The following TBCD variants were observed in gnomAD, a reference collection of about 807,000 sequenced individuals.
TBCD encodes tubulin-specific chaperone D.
Under a neutral mutation model 169.3 loss-of-function variants are expected in TBCD, and 105 were observed. The ratio of observed to expected loss-of-function variants is 0.62; its 90% CI spans 0.53 to 0.73. The LOEUF (loss-of-function observed/expected upper bound fraction) is 0.73, where lower values mean the gene tolerates loss of function less well. TBCD is among the 30% of genes least tolerant of loss of function. TBCD has a pLI of 0.00. For synonymous variants in TBCD, 700 were observed against 643.9 expected, an observed-to-expected ratio of 1.09 and a Z score of -1.32; for missense variants, 1,444 against 1,600.1, an observed-to-expected ratio of 0.90 and a Z score of 1.66.
In TBCD at chr17:82,929,199, C is replaced by G; in HGVS notation, c.2780C>G (p.Thr927Arg). ...FRAHAASVFL[T>R]LLHFDSPPIP... ...GCTCACGCCGCCAGCGTGTTCCTGACGCTCCTGCACTTTGACAGCCCTCCC... is the reference window on the plus strand; with the variant it reads ...GCTCACGCCGCCAGCGTGTTCCTGAGGCTCCTGCACTTTGACAGCCCTCCC... The change falls in exon 31 of 39, where the codon ACG (threonine) becomes AGG (arginine). Residue 927 changes from threonine (T) to arginine (R), a missense_variant. By Grantham distance (71) the Thr-to-Arg change is moderately conservative. Transcript: ENST00000355528. 6.2e-7 allele frequency: 1 copy of G among 1,613,948 alleles called. No individual in the cohort carries two copies. Among genetic ancestry groups the G allele is most frequent in the Non-Finnish European group, 8.5e-7 (1 of 1,179,896 alleles).
intron 13 of TBCD, among the ~76,000 whole-genome samples, chr17:82,841,299 G>A (rs942920446): frequency 1.3e-5 from 2 of 151,452 alleles, no homozygotes; most frequent in Admixed American, 6.6e-5. Context: ...ATGGCTTTGC[G>A]TTTACTTTTA....
chr17:82,787,974 T>C (rs563510244), intron 7 of TBCD, among the ~76,000 whole-genome samples: 45 of 152,360 alleles, frequency 3.0e-4, no homozygotes, highest in African/African-American at 1.0e-3. Flanking sequence ...CAGTGGCTCA[T>C]GCCGGTAATC....
In TBCD at chr17:82,800,866, G is replaced by C; in HGVS notation, c.820G>C (p.Ala274Pro). The stretch of plus-strand genomic sequence containing the variant: ...CTGAGTCCAGTTCTTGTTTGCAGCT[G>C]CCACTGTCCTCAGGTGCCTCGATGG... ...GKREDCLPYA[A>P]TVLRCLDGCR... Residue 274 changes from alanine (A) to proline (P), a missense_variant and splice_region_variant, in exon 9 of 39, where the codon GCC (alanine) becomes CCC (proline). Physicochemically the swap from Ala to Pro is conservative, Grantham distance 27. Transcript: ENST00000355528. 1.2e-6 allele frequency: 2 copies of C among 1,612,134 alleles called. No homozygotes were observed. The highest frequency in any genetic ancestry group is 1.7e-6 in the Non-Finnish European group (2 of 1,179,310).
At chr17:82,828,930 G>A (rs902291851) in intron 13 of TBCD, among the ~76,000 whole-genome samples, 2 of 142,758 alleles carry the variant, frequency 1.4e-5, no homozygotes, top group Non-Finnish European at 3.0e-5. Context: ...CTACACAGTC[G>A]AGTGTGCATG....
chr17:82,907,637 C>T (rs1810927557), intron 20 of TBCD, 124 bp from the exon 21 acceptor site: 3 of 1,026,068 alleles, frequency 2.9e-6, no homozygotes, highest in South Asian at 1.4e-5. Context: ...CCTTGCTGAG[C>T]CTATGCTCCT....
At chr17:82,813,516 C>T (rs774376068) in intron 12 of TBCD, among the ~76,000 whole-genome samples, 3 of 152,268 alleles carry the variant, frequency 2.0e-5, no homozygotes, top group Non-Finnish European at 4.4e-5. Flanking sequence ...GCCGGATGGA[C>T]GGACGGCATC....
At chr17:82,793,108 T>A (rs2049863837) in intron 7 of TBCD, among the ~76,000 whole-genome samples, 1 of 152,378 alleles carries the variant, frequency 6.6e-6, no homozygotes, top group East Asian at 1.9e-4. Context: ...AAATTCTTTA[T>A]AATTTGTCAG....
At chr17:82,830,189 C>G (rs370565250) in intron 13 of TBCD, 5 of 1,614,206 alleles carry the variant, frequency 3.1e-6, no homozygotes, top group Non-Finnish European at 4.2e-6. Flanking sequence ...CTGGCCGTGT[C>G]CTGCAGCTTC....
At chr17:82,776,236 G>A (rs1204328183) in intron 6 of TBCD, among the ~76,000 whole-genome samples, 1 of 151,930 alleles carries the variant, frequency 6.6e-6, no homozygotes, top group Non-Finnish European at 1.5e-5. Context: ...AAAGAGGTAC[G>A]CTGTATGCAG....
At chr17:82,901,667 G>T (rs1404924922) in intron 18 of TBCD, among the ~76,000 whole-genome samples, 2 of 151,634 alleles carry the variant, frequency 1.3e-5, no homozygotes, top group African/African-American at 4.8e-5. Flanking sequence ...TGGTCCTGCT[G>T]CCTGGGGAGC....
chr17:82,872,950 ACC>A (rs1567932389), intron 14 of TBCD, among the ~76,000 whole-genome samples: 3 of 135,946 alleles, frequency 2.2e-5, no homozygotes, highest in Admixed American at 7.0e-5. Context: ...CAGGCCCGGC[ACC>A]TCGTGGCCGA....
chr17:82,907,471 C>G (rs192946212), intron 20 of TBCD, among the ~76,000 whole-genome samples: 135 of 152,234 alleles, frequency 8.9e-4, no homozygotes, highest in South Asian at 4.1e-3. Flanking sequence ...TTGTTAGGGC[C>G]CAGGAGTTTG....
intron 1 of TBCD, among the ~76,000 whole-genome samples, chr17:82,753,172 C>T (rs1261770736): frequency 2.0e-5 from 3 of 152,062 alleles, no homozygotes; most frequent in African/African-American, 7.3e-5. Flanking sequence ...ATTATTTGGC[C>T]TTCCTCATTT....
chr17:82,937,289 GTTGC>G lies in TBCD; in HGVS notation c.3215_3218del (p.Leu1072ArgfsTer33). ...CTTCCAGCCACCCCTTTGCTGTGAA[GTTGC>G]TTGCGCTCTGTAAGAAAGAAATCAA... On this transcript the variant is annotated frameshift_variant, in exon 35 of 39. Transcript: ENST00000355528. LOFTEE classifies it high-confidence loss of function. 1 of 1,614,056 alleles carries G rather than the reference GTTGC, an allele frequency of 6.2e-7. No individual in the cohort carries two copies. The highest frequency in any genetic ancestry group is 8.5e-7 in the Non-Finnish European group (1 of 1,179,886).
chr17:82,797,921 C>G lies in TBCD; in HGVS notation c.817+119C>G, dbSNP rs1023469041. On this transcript the variant is annotated intron_variant, in intron 8 of 38. Coordinates refer to ENST00000355528, the MANE Select transcript of TBCD (RefSeq NM_005993.5). Reference sequence around the variant, plus strand: ...GGAACTGTACATTGGTATGTTTGGACACTATCGTTCTTTTTTTTGTTGTGG... The same window carrying G: ...GGAACTGTACATTGGTATGTTTGGAGACTATCGTTCTTTTTTTTGTTGTGG... The G allele has an allele frequency of 2.2e-5, 9 of 408,146 alleles. No homozygotes were observed. The South Asian group carries it at 5.5e-4, about 25-fold the overall frequency. The allele number at this position is 408,146 out of a possible 1,614,324, so 25.3% of individuals were successfully genotyped here. A position where few individuals can be genotyped will look rare whatever the true frequency, so the allele number is the denominator to read the frequency against.
At position 82,819,538 on chromosome 17, in the gene TBCD, T is replaced by G. The variant is rs565092931; in HGVS notation, c.1318+4604T>G. On this transcript the variant is annotated intron_variant, in intron 13 of 38. Coordinates refer to ENST00000355528, the MANE Select transcript of TBCD (RefSeq NM_005993.5). ...AATGAGATCCTGTTTCTACAAAAAT[T>G]GTTTTAAAAAGGTAGTTGGGTGCAG... Among the ~76,000 whole-genome samples, 5 of 152,188 alleles carry G rather than the reference T, an allele frequency of 3.3e-5. No homozygotes were observed. The South Asian group carries it at 1.0e-3, about 32-fold the overall frequency.
intron 5 of TBCD, among the ~76,000 whole-genome samples, chr17:82,769,655 T>C (rs1274457096): frequency 2.0e-5 from 3 of 152,088 alleles, no homozygotes; most frequent in African/African-American, 4.8e-5. Flanking sequence ...GGCGGGCAGA[T>C]CACGTGAGGT....
intron 13 of TBCD, among the ~76,000 whole-genome samples, chr17:82,818,167 C>A (rs662669): frequency 1.3e-5 from 2 of 152,038 alleles, no homozygotes; most frequent in Non-Finnish European, 2.9e-5. Context: ...CAGAAACTGA[C>A]ACGTGATGTG....
chr17:82,941,591 G>A (rs902604080), intron 38 of TBCD, 108 bp downstream of exon 38: 8 of 975,610 alleles, frequency 8.2e-6, no homozygotes, highest in South Asian at 3.1e-5. Context: ...CACACGGCCC[G>A]TTCCCTCGTC....
Sources: allele counts gnomAD v4.1 joint callset (sites outside exome capture counted in the v4.1 genomes callset), GRCh38; gene constraint gnomAD v4.1.1; transcripts MANE v1.5; gene names NCBI Gene and HGNC (gene_info 2026-07-23, HGNC 2026-07-21).